The following PDE8B variants were observed in gnomAD, a reference collection of about 807,000 sequenced individuals.
The protein encoded by PDE8B is phosphodiesterase 8B, also known as high affinity cAMP-specific and IBMX-insensitive 3',5'-cyclic phosphodiesterase 8B.
In PDE8B, 26 loss-of-function variants were observed where a neutral mutation model predicts 101.3. The observed-to-expected ratio is 0.26, with a 90% confidence interval of 0.19 to 0.36. PDE8B has a LOEUF of 0.36. PDE8B is among the 10% of genes least tolerant of loss of function. The probability of loss-of-function intolerance (pLI) is 1.00; values close to 1 mark genes in which losing one functional copy is unlikely to be tolerated. For missense variants in PDE8B, 810 were observed against 1,163.1 expected (o/e 0.70, Z 4.42); for synonymous variants, 424 against 429.3 (o/e 0.99, Z 0.15).
At chr5:77,258,208 G>C (rs1368984119) in intron 1 of PDE8B, among the ~76,000 whole-genome samples, 2 of 147,024 alleles carry the variant, frequency 1.4e-5, no homozygotes, top group East Asian at 4.3e-4. Context: ...AGAATTGCTT[G>C]AACTGGGGAG....
At chr5:77,235,067 G>A (rs928182342) in intron 1 of PDE8B, among the ~76,000 whole-genome samples, 3 of 152,092 alleles carry the variant, frequency 2.0e-5, no homozygotes, top group Non-Finnish European at 2.9e-5. Context: ...TATCATGGCC[G>A]TCATCTCACA....
At chr5:77,141,231 C>G in the PDE8B span, 2 of 151,930 alleles carry the variant, frequency 1.3e-5, no homozygotes, top group African/African-American at 4.8e-5. Flanking sequence ...GAACCTTTAC[C>G]AAATCAAGAG....
chr5:77,314,570 T>C (rs960606484), intron 2 of PDE8B, among the ~76,000 whole-genome samples: 6 of 152,164 alleles, frequency 3.9e-5, no homozygotes, highest in Non-Finnish European at 7.4e-5. Context: ...GCAAGCTTGC[T>C]GAACTCATGT....
the PDE8B span, among the ~76,000 whole-genome samples, chr5:77,150,228 G>C: frequency 6.6e-6 from 1 of 152,128 alleles, no homozygotes; most frequent in Non-Finnish European, 1.5e-5. Context: ...TATTTTCAAG[G>C]TAATACTCCT....
At chr5:77,310,423 T>C (rs1772336724) in intron 1 of PDE8B, among the ~76,000 whole-genome samples, 1 of 152,362 alleles carries the variant, frequency 6.6e-6, no homozygotes, top group East Asian at 1.9e-4. Flanking sequence ...CTTGGGGCTG[T>C]GCCCCTAGGC....
At chr5:77,210,665 T>A (rs1748053979), upstream of PDE8B, 1 of 980,068 alleles carries the variant, frequency 1.0e-6, no homozygotes, top group South Asian at 4.7e-5. This position sits in a 1 kb window ranked among gnomAD's most constrained non-coding sequence, Gnocchi z 4.9. Context: ...CGGCCGCTGG[T>A]GCGCGCGGGG....
intron 1 of PDE8B, among the ~76,000 whole-genome samples, chr5:77,310,135 G>A (rs1389427671): frequency 6.6e-6 from 1 of 151,854 alleles, no homozygotes; most frequent in Non-Finnish European, 1.5e-5. Flanking sequence ...ATTTTTAGTA[G>A]AGATGGGGTT....
chr5:77,189,350 G>T, the PDE8B span, among the ~76,000 whole-genome samples: 1 of 152,176 alleles, frequency 6.6e-6, no homozygotes, highest in Non-Finnish European at 1.5e-5. Context: ...GAGAAGGAGA[G>T]GAAAGGGAAG....
chr5:77,349,156 C>T (rs1313989324), intron 7 of PDE8B, among the ~76,000 whole-genome samples: 1 of 152,130 alleles, frequency 6.6e-6, no homozygotes, highest in Non-Finnish European at 1.5e-5. Flanking sequence ...GCTGAAGTTT[C>T]TTCTGATATC....
the PDE8B span, among the ~76,000 whole-genome samples, chr5:77,109,424 G>A: frequency 5.3e-5 from 8 of 152,228 alleles, no homozygotes; most frequent in Non-Finnish European, 5.9e-5. Flanking sequence ...AGTAAAATTC[G>A]AGAGTCTTGT....
At chr5:77,319,183 CCAA>C (rs1256782019) in intron 2 of PDE8B, among the ~76,000 whole-genome samples, 1 of 152,168 alleles carries the variant, frequency 6.6e-6, no homozygotes, top group Non-Finnish European at 1.5e-5. Flanking sequence ...CACCAGACCC[CCAA>C]CAACATGTTT....
At chr5:77,155,797 G>A in the PDE8B span, among the ~76,000 whole-genome samples, 1 of 152,092 alleles carries the variant, frequency 6.6e-6, no homozygotes, top group Non-Finnish European at 1.5e-5. Flanking sequence ...GGTATCAGGG[G>A]TATTTTTCTC....
chr5:77,252,517 C>T (rs552464500), intron 1 of PDE8B, among the ~76,000 whole-genome samples: 1 of 152,262 alleles, frequency 6.6e-6, no homozygotes, highest in East Asian at 1.9e-4. Context: ...CACGTTGGTC[C>T]TAATTTCTTA....
At chr5:77,129,607 G>A in the PDE8B span, among the ~76,000 whole-genome samples, 14 of 152,324 alleles carry the variant, frequency 9.2e-5, no homozygotes, top group African/African-American at 3.1e-4. Context: ...GCCCACCGGA[G>A]GGAGCAGTGT....
the PDE8B span, among the ~76,000 whole-genome samples, chr5:77,117,619 G>A: frequency 1.3e-5 from 2 of 152,110 alleles, no homozygotes; most frequent in African/African-American, 2.4e-5. Flanking sequence ...ACCAGTTCCG[G>A]AGATCCTTGT....
At chr5:77,107,126 C>T in the PDE8B span, among the ~76,000 whole-genome samples, 1 of 152,094 alleles carries the variant, frequency 6.6e-6, no homozygotes, top group Non-Finnish European at 1.5e-5. Flanking sequence ...TGTTCAGTTC[C>T]TACCTATGAG....
At position 77,396,274 on chromosome 5, in the gene PDE8B, TC is replaced by T. The variant is rs573665111; in HGVS notation, c.1168-3973del. On this transcript the variant is annotated intron_variant, in intron 10 of 21. Coordinates refer to ENST00000264917, the MANE Select transcript of PDE8B (RefSeq NM_003719.5). ...GCAACCACAGGTCTCAGAGGTACTT[TC>T]TGTTGCCCTGTCATTATTTTCCCCT... Among the ~76,000 whole-genome samples, 9 of 152,348 alleles carry T rather than the reference TC, an allele frequency of 5.9e-5. No homozygotes were observed. In the South Asian group the frequency reaches 1.9e-3, roughly 32 times the overall value.
the PDE8B span, among the ~76,000 whole-genome samples, chr5:77,108,035 T>A: frequency 8.5e-5 from 13 of 152,100 alleles, no homozygotes; most frequent in Non-Finnish European, 1.9e-4. Context: ...AGTTTGTGCC[T>A]CCAACTCCTG....
chr5:77,419,890 G>A lies in PDE8B; in HGVS notation c.2250+3G>A. The stretch of plus-strand genomic sequence containing the variant: ...TCAACAAGCCAATGGCAGCTGAGGT[G>A]AGTACTGCTTTCCATGCCATAAGGC... On this transcript the variant is annotated splice_donor_region_variant and intron_variant, in intron 19 of 21. Coordinates refer to ENST00000264917, the MANE Select transcript of PDE8B (RefSeq NM_003719.5). 2 of 1,613,902 alleles carry A rather than the reference G, an allele frequency of 1.2e-6. No homozygotes were observed. Among genetic ancestry groups the A allele is most frequent in the Non-Finnish European group, 1.7e-6 (2 of 1,179,868 alleles).
Sources: allele counts gnomAD v4.1 joint callset (sites outside exome capture counted in the v4.1 genomes callset), GRCh38; gene constraint gnomAD v4.1.1; non-coding constraint Gnocchi (gnomAD v3.1); transcripts MANE v1.5; gene names NCBI Gene and HGNC (gene_info 2026-07-23, HGNC 2026-07-21).